CFAP299: variants seen among roughly 807,000 people sequenced by gnomAD.
CFAP299 encodes cilia- and flagella-associated protein 299.
Under a neutral mutation model 27.0 loss-of-function variants are expected in CFAP299, and 21 were observed. That is an observed-to-expected ratio of 0.78 (90% CI 0.55 to 1.12). CFAP299 has a LOEUF of 1.12. CFAP299 is among the 50% of genes most tolerant of loss of function. The pLI, the probability that CFAP299 is intolerant of heterozygous loss-of-function variation, is 0.00. For synonymous variants in CFAP299, 104 were observed against 98.1 expected (o/e 1.06, Z -0.36); for missense variants, 310 against 276.6 (o/e 1.12, Z -0.86).
chr4:80,860,217 T>A (rs1732230357), intron 3 of CFAP299, among the ~76,000 whole-genome samples: 1 of 152,366 alleles, frequency 6.6e-6, no homozygotes, highest in Middle Eastern at 3.4e-3. Context: ...TCCTGAGGCT[T>A]CTGCATTCTT....
chr4:80,934,633 G>C (rs1248267009), intron 4 of CFAP299, among the ~76,000 whole-genome samples: 8 of 151,672 alleles, frequency 5.3e-5, no homozygotes, highest in Non-Finnish European at 1.0e-4. Context: ...TAGGTTGGAT[G>C]GTTCCAGGAA....
chr4:80,497,559 A>T (rs1449911855), intron 2 of CFAP299, among the ~76,000 whole-genome samples: 2 of 152,044 alleles, frequency 1.3e-5, no homozygotes, highest in African/African-American at 2.4e-5. Flanking sequence ...CATAGTAAAG[A>T]TTGCCTGTGA....
chr4:80,375,488 A>T (rs1188939523), intron 2 of CFAP299, among the ~76,000 whole-genome samples: 1 of 152,142 alleles, frequency 6.6e-6, no homozygotes, highest in Non-Finnish European at 1.5e-5. Context: ...GGGGATGTGG[A>T]CCTCATTACC....
At chr4:80,902,454 ATATACATATATGTATATATGTATATATG>A (rs1170593998) in intron 4 of CFAP299, among the ~76,000 whole-genome samples, 1 of 116,786 alleles carries the variant, frequency 8.6e-6, no homozygotes, top group East Asian at 2.2e-4. Flanking sequence ...GGATATACAT[ATATACATATATGTATATATGTATATATG>A]TATATATACA....
chr4:80,369,322 C>G (rs1351167778), intron 2 of CFAP299, among the ~76,000 whole-genome samples: 1 of 152,202 alleles, frequency 6.6e-6, no homozygotes, highest in African/African-American at 2.4e-5. Context: ...TGAGAGGAAA[C>G]TCACAATAAA....
the CFAP299 span, among the ~76,000 whole-genome samples, chr4:80,327,343 T>G: frequency 1.3e-5 from 2 of 151,764 alleles, no homozygotes; most frequent in Non-Finnish European, 2.9e-5. Flanking sequence ...GGGATTGAGG[T>G]AGCGTGAAGT....
intron 4 of CFAP299, among the ~76,000 whole-genome samples, chr4:80,941,102 C>G (rs1339796954): frequency 6.6e-6 from 1 of 152,072 alleles, no homozygotes; most frequent in African/African-American, 2.4e-5. Flanking sequence ...TATTTTTAGT[C>G]ATCTCTGGAT....
intron 3 of CFAP299, among the ~76,000 whole-genome samples, chr4:80,800,217 A>G (rs1277868784): frequency 8.0e-5 from 6 of 74,952 alleles, no homozygotes; most frequent in Non-Finnish European, 1.4e-4. Context: ...TATAATATAT[A>G]TTATAATATA....
intron 2 of CFAP299, among the ~76,000 whole-genome samples, chr4:80,506,751 C>A (rs1732057866): frequency 6.6e-6 from 1 of 152,036 alleles, no homozygotes; most frequent in Admixed American, 6.6e-5. Context: ...TCATAAACTT[C>A]AACTCTGAAT....
intron 3 of CFAP299, among the ~76,000 whole-genome samples, chr4:80,855,484 A>C (rs532965373): frequency 8.3e-4 from 126 of 152,146 alleles, no homozygotes; most frequent in African/African-American, 2.8e-3. Context: ...TATACATGTG[A>C]CATGCTGGTG....
intron 3 of CFAP299, among the ~76,000 whole-genome samples, chr4:80,732,434 G>T (rs1252792030): frequency 6.6e-6 from 1 of 152,034 alleles, no homozygotes; most frequent in African/African-American, 2.4e-5. Flanking sequence ...TCATACAAGG[G>T]TTAGGTAGAA....
rs191403583 is a variant in CFAP299 at position 80,339,295 on chromosome 4, C to A, written c.111+3416C>A. 1.2e-4 allele frequency among the ~76,000 whole-genome samples: 19 copies of A among 152,206 alleles called. No homozygotes were observed. In the East Asian group the frequency reaches 2.3e-3, roughly 19 times the overall value. ...CATGTTGGTTTCCATTAATTTTGCC[C>A]GTATCTTTGTAAATAGTGCTTTTAT... On this transcript the variant is annotated intron_variant, in intron 1 of 5. Transcript: ENST00000358105.
At chr4:80,862,721 C>T (rs1351932208) in intron 3 of CFAP299, among the ~76,000 whole-genome samples, 1 of 152,046 alleles carries the variant, frequency 6.6e-6, no homozygotes, top group Non-Finnish European at 1.5e-5. Flanking sequence ...TTGTTCTGAG[C>T]CCAAGCCTCC....
intron 2 of CFAP299, among the ~76,000 whole-genome samples, chr4:80,474,897 T>G (rs1444634636): frequency 1.3e-5 from 2 of 152,150 alleles, no homozygotes; most frequent in Non-Finnish European, 2.9e-5. Flanking sequence ...TAATCTCAAG[T>G]AATAATTGAT....
chr4:80,400,229 A>G (rs1008002248), intron 2 of CFAP299, among the ~76,000 whole-genome samples: 3 of 152,160 alleles, frequency 2.0e-5, no homozygotes, highest in Non-Finnish European at 2.9e-5. Context: ...CATTTTAACT[A>G]TCCTTTGCTG....
intron 3 of CFAP299, among the ~76,000 whole-genome samples, chr4:80,796,998 A>T (rs1727902348): frequency 6.6e-6 from 1 of 152,124 alleles, no homozygotes; most frequent in Non-Finnish European, 1.5e-5. Flanking sequence ...ACCTACTGTA[A>T]GTTGGACCTG....
At chr4:80,655,681 G>A (rs1009449035) in intron 3 of CFAP299, among the ~76,000 whole-genome samples, 2 of 152,084 alleles carry the variant, frequency 1.3e-5, no homozygotes, top group Admixed American at 1.3e-4. Context: ...TCAACTTGAA[G>A]ACACAGCTGT....
At chr4:80,716,695 A>G (rs999521681) in intron 3 of CFAP299, among the ~76,000 whole-genome samples, 1 of 152,152 alleles carries the variant, frequency 6.6e-6, no homozygotes, top group Non-Finnish European at 1.5e-5. Context: ...GTGAAATTAC[A>G]TGATAAAGCA....
At chr4:80,609,581 G>A (rs1737858715) in intron 3 of CFAP299, among the ~76,000 whole-genome samples, 1 of 151,856 alleles carries the variant, frequency 6.6e-6, no homozygotes, top group African/African-American at 2.4e-5. Flanking sequence ...CAACGTTAAT[G>A]TTATTTTTTA....
Sources: gnomAD v4.1 joint callset for allele counts (sites outside exome capture counted in the v4.1 genomes callset) on GRCh38, gnomAD v4.1.1 for gene constraint, MANE v1.5 for transcripts, NCBI Gene and HGNC (gene_info 2026-07-23, HGNC 2026-07-21) for gene names.